TJP1: variants seen among roughly 807,000 people sequenced by gnomAD.
TJP1 encodes the protein tight junction protein 1.
TJP1 carries 43 observed loss-of-function variants against 194.2 expected under a neutral mutation model. The observed-to-expected ratio is 0.22, with a 90% CI of 0.17 to 0.29. The LOEUF is 0.29. TJP1 is among the 10% of genes least tolerant of loss of function. TJP1 has a pLI of 1.00. For synonymous variants in TJP1, 801 were observed against 779.0 expected (o/e 1.03, Z -0.47); for missense variants, 1,971 against 2,185.7 (o/e 0.90, Z 1.96).
At chr15:29,800,623 T>A in intron 2 of TJP1, 23 bp downstream of exon 2, 1 of 1,613,268 alleles carries the variant, frequency 6.2e-7, no homozygotes, top group Non-Finnish European at 8.5e-7. Flanking sequence ...ATACACAGAT[T>A]ACTTACTGCA....
intron 18 of TJP1, among the ~76,000 whole-genome samples, chr15:29,722,138 C>G (rs1306822039): frequency 4.6e-5 from 7 of 152,242 alleles, no homozygotes; most frequent in African/African-American, 1.7e-4. Flanking sequence ...GGAATTCAAG[C>G]TGGCTGCAGA....
intron 2 of TJP1, among the ~76,000 whole-genome samples, chr15:29,922,957 T>A (rs2054412127): frequency 6.9e-6 from 1 of 145,400 alleles, no homozygotes; most frequent in Non-Finnish European, 1.5e-5. Flanking sequence ...AAAACACATA[T>A]GAAAAAACTG....
At chr15:29,715,833 A>T (rs183629809) in intron 23 of TJP1, among the ~76,000 whole-genome samples, 5 of 152,296 alleles carry the variant, frequency 3.3e-5, no homozygotes, top group African/African-American at 1.2e-4. Flanking sequence ...TTGCTTAGCC[A>T]GCCCCTGTAA....
intron 2 of TJP1, among the ~76,000 whole-genome samples, chr15:29,842,055 G>T (rs535392611): frequency 6.6e-6 from 1 of 152,266 alleles, no homozygotes; most frequent in South Asian, 2.1e-4. Flanking sequence ...AAAGAGCGAT[G>T]AAAATTTGAG....
At chr15:29,721,748 A>C (rs1281907398) in intron 18 of TJP1, among the ~76,000 whole-genome samples, 2 of 152,240 alleles carry the variant, frequency 1.3e-5, no homozygotes, top group African/African-American at 4.8e-5. Context: ...TTTGACCAAA[A>C]TGCTAATAGT....
At chr15:29,844,090 G>T (rs926309302) in intron 2 of TJP1, among the ~76,000 whole-genome samples, 1 of 152,144 alleles carries the variant, frequency 6.6e-6, no homozygotes, top group African/African-American at 2.4e-5. Flanking sequence ...TGTCGCCCAG[G>T]CTGGAGCCTT....
At chr15:29,761,917 C>T in intron 6 of TJP1, 148 bp from the exon 7 acceptor site, 4 of 768,134 alleles carry the variant, frequency 5.2e-6, no homozygotes, top group Non-Finnish European at 7.7e-6. Flanking sequence ...CAAAGTATTC[C>T]ACCTTCTTGA....
chr15:29,711,081 C>T (rs916640166), intron 23 of TJP1, 81 bp from the exon 24 acceptor site: 14 of 1,423,688 alleles, frequency 9.8e-6, no homozygotes, highest in Non-Finnish European at 1.3e-5. Context: ...CCATGTATCT[C>T]TAAGTTAAAA....
chr15:29,734,867 CAAAT>C (rs1201008364), intron 11 of TJP1, among the ~76,000 whole-genome samples: 2 of 151,786 alleles, frequency 1.3e-5, no homozygotes, highest in Admixed American at 6.6e-5. Flanking sequence ...AAAACAGAAA[CAAAT>C]AAAGTGAGTT....
chr15:29,765,613 G>C (rs963154614), intron 5 of TJP1, among the ~76,000 whole-genome samples: 1 of 152,082 alleles, frequency 6.6e-6, no homozygotes, highest in Non-Finnish European at 1.5e-5. Flanking sequence ...GTCCCAGCAG[G>C]GCACAGTGGC....
At chr15:29,736,996 T>C (rs938675946) in intron 11 of TJP1, among the ~76,000 whole-genome samples, 3 of 152,340 alleles carry the variant, frequency 2.0e-5, no homozygotes, top group Non-Finnish European at 2.9e-5. Context: ...TATTTTCTTT[T>C]ATTTCCATGA....
intron 2 of TJP1, among the ~76,000 whole-genome samples, chr15:29,861,520 C>T (rs530849961): frequency 3.3e-5 from 5 of 152,144 alleles, no homozygotes; most frequent in Admixed American, 1.3e-4. Context: ...AGTAGTGGAA[C>T]GCTAGGCATA....
intron 22 of TJP1, among the ~76,000 whole-genome samples, chr15:29,717,321 A>C (rs1418719660): frequency 6.6e-6 from 1 of 152,252 alleles, no homozygotes; most frequent in Admixed American, 6.5e-5. Context: ...CAGATGAGGA[A>C]GAAAGCAAGT....
chr15:29,824,338 G>A (rs942730276), upstream of TJP1, among the ~76,000 whole-genome samples: 25 of 151,712 alleles, frequency 1.6e-4, no homozygotes, highest in African/African-American at 4.8e-4. Context: ...AGCTATTCAG[G>A]AGGCTGAGGC....
At chr15:29,855,581 T>G (rs930491336) in intron 2 of TJP1, among the ~76,000 whole-genome samples, 1 of 151,886 alleles carries the variant, frequency 6.6e-6, no homozygotes, top group Non-Finnish European at 1.5e-5. Context: ...TATAGCCAGG[T>G]GTGGTGGCTC....
At chr15:29,807,700 C>T (rs568443062) in intron 1 of TJP1, among the ~76,000 whole-genome samples, 144 of 152,096 alleles carry the variant, frequency 9.5e-4, no homozygotes, top group African/African-American at 3.4e-3. Context: ...AACAAATGAA[C>T]ATAACTATAT....
At chr15:29,920,359 AG>A (rs1224431257) in intron 2 of TJP1, among the ~76,000 whole-genome samples, 8 of 152,248 alleles carry the variant, frequency 5.3e-5, no homozygotes, top group Non-Finnish European at 1.0e-4. Flanking sequence ...CTTCACCTTG[AG>A]CTGTAATTTT....
intron 2 of TJP1, among the ~76,000 whole-genome samples, chr15:29,793,349 A>T (rs1191492730): frequency 2.0e-5 from 3 of 152,224 alleles, no homozygotes; most frequent in Admixed American, 2.0e-4. Flanking sequence ...GCATCTATAG[A>T]AATGGACATA....
At chr15:29,726,686 T>C (rs1300668044) in intron 17 of TJP1, 95 bp downstream of exon 17, 42 of 1,294,190 alleles carry the variant, frequency 3.2e-5, no homozygotes, top group Non-Finnish European at 3.9e-5. Flanking sequence ...GAAAGTATCA[T>C]GTAAGTTTTA....
Sources: gnomAD v4.1 joint callset for allele counts (sites outside exome capture counted in the v4.1 genomes callset) on GRCh38, gnomAD v4.1.1 for gene constraint, MANE v1.5 for transcripts, NCBI Gene and HGNC (gene_info 2026-07-23, HGNC 2026-07-21) for gene names.